PUM1: variants seen among roughly 807,000 people sequenced by gnomAD.
The protein encoded by PUM1 is pumilio homolog 1.
In PUM1, 13 loss-of-function variants were observed where a neutral mutation model predicts 131.8. The observed-to-expected ratio is 0.10, with a 90% CI of 0.06 to 0.16. PUM1 has a LOEUF of 0.16. Ranked by LOEUF, PUM1 falls within the 10% of genes least tolerant of loss-of-function variation. The probability of loss-of-function intolerance (pLI) is 1.00; values close to 1 mark genes in which losing one functional copy is unlikely to be tolerated. For missense variants in PUM1, 961 were observed against 1,512.4 expected (o/e 0.64, Z 6.05); for synonymous variants, 509 against 556.5 (o/e 0.91, Z 1.20).
chr1:31,051,554 TG>T (rs1644109858), intron 2 of PUM1, among the ~76,000 whole-genome samples: 1 of 152,048 alleles, frequency 6.6e-6, no homozygotes, highest in African/African-American at 2.4e-5. Context: ...CCGCCTGCCT[TG>T]GCCTCCCAAA....
chr1:30,965,621 C>T (rs1489906656), intron 13 of PUM1, among the ~76,000 whole-genome samples: 1 of 152,238 alleles, frequency 6.6e-6, no homozygotes, highest in Non-Finnish European at 1.5e-5. Flanking sequence ...GAACTCGGCT[C>T]AGTCTCAATT....
At chr1:31,015,920 G>A (rs546345405) in intron 3 of PUM1, among the ~76,000 whole-genome samples, 18 of 151,194 alleles carry the variant, frequency 1.2e-4, no homozygotes, top group African/African-American at 3.6e-4. Context: ...TGATCCACCC[G>A]CCTCGGCCTC....
At chr1:31,064,979 G>C (rs1644452401) in intron 1 of PUM1, among the ~76,000 whole-genome samples, 1 of 152,016 alleles carries the variant, frequency 6.6e-6, no homozygotes, top group Non-Finnish European at 1.5e-5. Flanking sequence ...GCTCAAAAAG[G>C]AAGAACCCAC....
intron 20 of PUM1, among the ~76,000 whole-genome samples, chr1:30,937,864 A>G (rs1639279162): frequency 6.6e-6 from 1 of 151,184 alleles, no homozygotes; most frequent in Non-Finnish European, 1.5e-5. Context: ...TGCCTCCCGG[A>G]TTCAAATAAT....
In PUM1 at chr1:31,005,790, A is replaced by AG. The variant is rs1642379106; in HGVS notation, c.720+62_720+63insC. 4.5e-6 allele frequency: 6 copies of AG among 1,336,616 alleles called. No homozygotes were observed. The African/African-American group carries it at 7.4e-5, about 16-fold the overall frequency. 82.8% of individuals were successfully genotyped at this position (1,336,616 alleles called of 1,614,324 possible). On this transcript the variant is annotated intron_variant, in intron 5 of 21. Transcript: ENST00000426105. ...AGGCATGTTTTGCTTTAGGGGAAAA[A>AG]AAGAGAGAGAGAGAGAGAGAGAGAG...
At position 30,950,341 on chromosome 1, in the gene PUM1, C is replaced by T. The variant is rs554894433; in HGVS notation, c.2722-80G>A. ...AGAAAGCAAAGCATTCATTATTCTG[C>T]ATCAACCACTGGCATAACCTCTTTT... On this transcript the variant is annotated intron_variant, in intron 16 of 21. Transcript: ENST00000426105. The T allele has an allele frequency of 8.2e-6, 12 of 1,455,480 alleles. No homozygotes were observed. The South Asian group carries it at 1.5e-4, about 18-fold the overall frequency. The allele number at this position is 1,455,480 out of a possible 1,614,324, so 90.2% of individuals were successfully genotyped here. A position where few individuals can be genotyped will look rare whatever the true frequency, so the allele number is the denominator to read the frequency against.
At chr1:30,955,142 AATTAT>A (rs1640102029) in intron 14 of PUM1, among the ~76,000 whole-genome samples, 1 of 151,952 alleles carries the variant, frequency 6.6e-6, no homozygotes, top group African/African-American at 2.4e-5. Flanking sequence ...CAGCATAATA[AATTAT>A]GAGTATTTTA....
At chr1:31,048,600 A>C (rs1459946070) in intron 2 of PUM1, among the ~76,000 whole-genome samples, 5 of 151,090 alleles carry the variant, frequency 3.3e-5, no homozygotes, top group South Asian at 4.2e-4. Flanking sequence ...TCAGCCTCCC[A>C]AGTAGCTGGG....
intron 6 of PUM1, among the ~76,000 whole-genome samples, chr1:30,993,592 T>C (rs1401032137): frequency 1.3e-5 from 2 of 152,098 alleles, no homozygotes; most frequent in Non-Finnish European, 2.9e-5. Context: ...ATTAAAGGTA[T>C]TATTCTGGTT....
intron 21 of PUM1, among the ~76,000 whole-genome samples, chr1:30,935,136 A>G (rs531993728): frequency 1.1e-4 from 16 of 152,226 alleles, no homozygotes; most frequent in African/African-American, 3.9e-4. Context: ...TCCCTCCTCT[A>G]AACTACAAAG....
intron 21 of PUM1, 144 bp from the exon 22 acceptor site, chr1:30,933,486 C>CA: frequency 5.2e-6 from 3 of 580,638 alleles, no homozygotes; most frequent in Non-Finnish European, 8.3e-6. Context: ...ACACACACAC[C>CA]CCTACAGCAA....
chr1:30,985,052 T>C (rs1044612063), intron 7 of PUM1, among the ~76,000 whole-genome samples: 2 of 152,196 alleles, frequency 1.3e-5, no homozygotes, highest in African/African-American at 4.8e-5. Context: ...GGTTTCTATC[T>C]CAGCTCACCA....
At position 31,002,912 on chromosome 1, in the gene PUM1, C is replaced by G. The variant is rs547520410; in HGVS notation, c.720+2941G>C. Reference sequence around the variant, plus strand: ...AATTCAAGCTAGACAAAGAGCTAAACAGCTTCAATCTAGCCATAACCAGCA... The same window carrying G: ...AATTCAAGCTAGACAAAGAGCTAAAGAGCTTCAATCTAGCCATAACCAGCA... On this transcript the variant is annotated intron_variant, in intron 5 of 21. Coordinates refer to ENST00000426105, the MANE Select transcript of PUM1 (RefSeq NM_001020658.2). 1.6e-4 allele frequency among the ~76,000 whole-genome samples: 24 copies of G among 152,318 alleles called. No homozygotes were observed. The East Asian group carries it at 3.9e-3, about 25-fold the overall frequency.
intron 2 of PUM1, among the ~76,000 whole-genome samples, chr1:31,036,109 G>A (rs977502702): frequency 6.7e-6 from 1 of 150,214 alleles, no homozygotes; most frequent in Non-Finnish European, 1.5e-5. Context: ...TCACTCTGTT[G>A]CCCAGGCTGA....
At chr1:31,047,027 C>T (rs548043332) in intron 2 of PUM1, among the ~76,000 whole-genome samples, 116 of 151,994 alleles carry the variant, frequency 7.6e-4, no homozygotes, top group African/African-American at 2.7e-3. Context: ...CTCATCTCTA[C>T]TAAAAATACA....
At chr1:30,966,424 T>C (rs1034122264) in intron 12 of PUM1, 146 bp from the exon 13 acceptor site, 2 of 748,852 alleles carry the variant, frequency 2.7e-6, no homozygotes, top group Non-Finnish European at 4.1e-6. Context: ...TTTGATCCCT[T>C]CATATGAAGC....
chr1:31,063,025 A>T (rs997577869), intron 1 of PUM1, among the ~76,000 whole-genome samples: 2 of 152,168 alleles, frequency 1.3e-5, no homozygotes, highest in African/African-American at 2.4e-5. Context: ...ACCAAAACCA[A>T]AAAGTCATAG....
chr1:31,058,830 C>T lies in PUM1; in HGVS notation c.363+374G>A, dbSNP rs148113951. On this transcript the variant is annotated intron_variant, in intron 2 of 21. Coordinates refer to ENST00000426105, the MANE Select transcript of PUM1 (RefSeq NM_001020658.2). Reference sequence around the variant, plus strand: ...TACTGAAAATACATAATCAGCCAGGCGTGGTGGTGCACACCTGTAGTCCCA... The same window carrying T: ...TACTGAAAATACATAATCAGCCAGGTGTGGTGGTGCACACCTGTAGTCCCA... 3.7e-4 allele frequency among the ~76,000 whole-genome samples: 55 copies of T among 148,114 alleles called. 1 individual carries two copies. The East Asian group carries it at 4.3e-3, about 11-fold the overall frequency.
chr1:30,942,191 T>TTATATATA lies in PUM1; in HGVS notation c.2995-76_2995-69dup, dbSNP rs58848270. ...ACCACCTTCAATGCTTCAGTATTGT[T>TTATATATA]TATATATATATATATATATATATAT... On this transcript the variant is annotated intron_variant, in intron 18 of 21. Transcript: ENST00000426105. 815 of 144,772 alleles carry TTATATATA rather than the reference T, an allele frequency of 5.6e-3. 33 individuals carry two copies. The highest frequency in any genetic ancestry group is 0.01 in the African/African-American group (170 of 16,516). 9.0% of individuals were successfully genotyped at this position (144,772 alleles called of 1,614,324 possible). A position where few individuals can be genotyped will look rare whatever the true frequency, so the allele number is the denominator to read the frequency against.
Sources: gnomAD v4.1 joint callset for allele counts (sites outside exome capture counted in the v4.1 genomes callset) on GRCh38, gnomAD v4.1.1 for gene constraint, MANE v1.5 for transcripts, NCBI Gene and HGNC (gene_info 2026-07-23, HGNC 2026-07-21) for gene names.